Variants in BRCA2 observed in about 807,000 individuals in gnomAD.
The protein encoded by BRCA2 is breast cancer type 2 susceptibility protein.
Under a neutral mutation model 276.7 loss-of-function variants are expected in BRCA2, and 203 were observed. The ratio of observed to expected loss-of-function variants is 0.73; its 90% CI spans 0.65 to 0.82. BRCA2 has a LOEUF of 0.82. BRCA2 is among the 40% of genes least tolerant of loss of function. The pLI is 0.00. For missense variants in BRCA2, 3,920 were observed against 3,915.0 expected, an observed-to-expected ratio of 1.00 and a Z score of -0.03; for synonymous variants, 1,289 against 1,338.4, an observed-to-expected ratio of 0.96 and a Z score of 0.81.
chr13:32,377,838 A>C (rs921050973), intron 21 of BRCA2, among the ~76,000 whole-genome samples: 4 of 152,212 alleles, frequency 2.6e-5, no homozygotes, highest in African/African-American at 7.2e-5. Flanking sequence ...GATTAATTTC[A>C]TTCACTTGAT....
chr13:32,397,390 C>A (rs969304177), intron 26 of BRCA2, among the ~76,000 whole-genome samples: 1 of 152,152 alleles, frequency 6.6e-6, no homozygotes, highest in Admixed American at 6.6e-5. Context: ...GCAAATCAAG[C>A]TAAAGTCTTT....
intron 24 of BRCA2, among the ~76,000 whole-genome samples, chr13:32,387,468 A>G (rs549221555): frequency 6.6e-6 from 1 of 152,190 alleles, no homozygotes; most frequent in South Asian, 2.1e-4. Flanking sequence ...TCCTTGGTCA[A>G]GCGGTAACGG....
chr13:32,332,820 C>T lies in BRCA2; in HGVS notation c.1342C>T (p.Arg448Cys), dbSNP rs80358422. Residue 448 changes from arginine (R) to cysteine (C), a missense_variant, in exon 10 of 27, where the codon CGT (arginine) becomes TGT (cysteine). Around this residue, in one of 2 missense-constraint regions of BRCA2, gnomAD observed 3,263 missense variants for 3,156.9 expected, o/e 1.03. Coordinates refer to ENST00000380152, the MANE Select transcript of BRCA2 (RefSeq NM_000059.4). ...TCTTACTTCAGAGAATTCTTTGCCA[C>T]GTATTTCTAGCCTACCAAAATCAGA... Reference protein sequence around the residue: ...DFLTSENSLPRISSLPKSEKP... With the variant: ...DFLTSENSLPCISSLPKSEKP... 18 of 1,611,258 alleles carry T rather than the reference C, an allele frequency of 1.1e-5. No individual in the cohort carries two copies. The highest frequency in any genetic ancestry group is 2.2e-5 in the South Asian group (2 of 90,196).
At chr13:32,365,653 C>T (rs187920190) in intron 18 of BRCA2, among the ~76,000 whole-genome samples, 3 of 150,326 alleles carry the variant, frequency 2.0e-5, no homozygotes, top group African/African-American at 4.9e-5. Context: ...GTTGGGATTA[C>T]GGGCATGAGC....
chr13:32,326,049 T>G (rs2072342564), intron 4 of BRCA2, 52 bp from the exon 5 acceptor site: 3 of 1,497,660 alleles, frequency 2.0e-6, no homozygotes, highest in Non-Finnish European at 2.8e-6. Flanking sequence ...GATAAACTAG[T>G]TTTTGCCAGT....
chr13:32,357,989 C>G (rs2137568195), intron 16 of BRCA2, 60 bp downstream of exon 16: 1 of 1,558,674 alleles, frequency 6.4e-7, no homozygotes, highest in Non-Finnish European at 8.8e-7. Context: ...CCTCTTTCTT[C>G]TCTTAACTGT....
At position 32,329,487 on chromosome 13, in the gene BRCA2, A is replaced by G. The variant is rs80358902; in HGVS notation, c.676A>G (p.Thr226Ala). The G allele has an allele frequency of 1.9e-6, 3 of 1,596,454 alleles. No homozygotes were observed. The highest frequency in any genetic ancestry group is 2.6e-6 in the Non-Finnish European group (3 of 1,165,974). The change falls in exon 8 of 27, where the codon ACT (threonine) becomes GCT (alanine). Residue 226 changes from threonine to alanine, a missense_variant. Thr to Ala is a moderately conservative substitution (Grantham distance 58). This residue lies in a region of BRCA2 where 3,263 missense variants were observed against 3,156.9 expected (regional missense o/e 1.03). Transcript: ENST00000380152. ...TGAAACTGTATTTCCTCATGATACT[A>G]CTGCTGTAAGTAAATATGACATTGA... ...ASETVFPHDT[T>A]ANVKSYFSNH...
Position 32,357,836 on chromosome 13 carries a change from A to G in BRCA2, c.7712A>G (p.Glu2571Gly), listed in dbSNP as rs55689095. The change falls in exon 16 of 27, where the codon GAA becomes GGA. Residue 2571 changes from glutamate to glycine, a missense_variant. Glu to Gly is a moderately conservative substitution (Grantham distance 98). This residue lies in a region of BRCA2 where 3,263 missense variants were observed against 3,156.9 expected (regional missense o/e 1.03). Transcript: ENST00000380152. ...CACACTGAAGATTATTTTGGTAAGG[A>G]AAGTTTATGGACTGGAAAAGGAATA... ...QFHTEDYFGK[E>G]SLWTGKGIQL... 3.2e-5 allele frequency: 52 copies of G among 1,614,048 alleles called. No homozygotes were observed. In the African/African-American group the frequency reaches 5.5e-4, roughly 17 times the overall value.
chr13:32,397,739 T>A (rs1466766423), intron 26 of BRCA2, among the ~76,000 whole-genome samples: 1 of 152,162 alleles, frequency 6.6e-6, no homozygotes, highest in Non-Finnish European at 1.5e-5. Flanking sequence ...GAGGAGACTG[T>A]GGCATAGAGA....
At position 32,372,885 on chromosome 13, in the gene BRCA2, G is replaced by T. The variant is rs539481969; in HGVS notation, c.8632+1785G>T. Among the ~76,000 whole-genome samples, 12 of 152,280 alleles carry T rather than the reference G, an allele frequency of 7.9e-5. No individual in the cohort carries two copies. The South Asian group carries it at 2.1e-3, about 26-fold the overall frequency. ...AAATTCTTTACTTCCAAGATACAATGGGGGTACAGGCATTGGGTAAATGTT... is the reference window on the plus strand; with the variant it reads ...AAATTCTTTACTTCCAAGATACAATTGGGGTACAGGCATTGGGTAAATGTT... On this transcript the variant is annotated intron_variant, in intron 20 of 26. Coordinates refer to ENST00000380152, the MANE Select transcript of BRCA2 (RefSeq NM_000059.4).
chr13:32,389,952 G>A (rs1433685367), intron 24 of BRCA2, among the ~76,000 whole-genome samples: 1 of 152,190 alleles, frequency 6.6e-6, no homozygotes, highest in African/African-American at 2.4e-5. Context: ...GTTGGGGAAG[G>A]AGATTAGACT....
At chr13:32,393,665 T>C (rs1324177398) in intron 24 of BRCA2, among the ~76,000 whole-genome samples, 1 of 152,152 alleles carries the variant, frequency 6.6e-6, no homozygotes, top group Non-Finnish European at 1.5e-5. Context: ...GAAAATGGTG[T>C]TTAGATCCAA....
intron 4 of BRCA2, among the ~76,000 whole-genome samples, chr13:32,325,786 C>T (rs1439330356): frequency 6.6e-6 from 1 of 151,892 alleles, no homozygotes; most frequent in Admixed American, 6.6e-5. Flanking sequence ...GTGATCCGCC[C>T]GCCTCAGCCT....
chr13:32,378,341 T>C (rs1347241562), intron 21 of BRCA2, among the ~76,000 whole-genome samples: 1 of 152,230 alleles, frequency 6.6e-6, no homozygotes, highest in Admixed American at 6.5e-5. Flanking sequence ...TAAGTGCCTA[T>C]GAGTCTATGA....
intron 13 of BRCA2, among the ~76,000 whole-genome samples, chr13:32,351,187 C>A (rs552064588): frequency 6.6e-6 from 1 of 152,244 alleles, no homozygotes; most frequent in African/African-American, 2.4e-5. Flanking sequence ...CTGCTGCTCA[C>A]TCTTTAGTGA....
At chr13:32,372,385 G>T (rs1252392675) in intron 20 of BRCA2, among the ~76,000 whole-genome samples, 1 of 152,192 alleles carries the variant, frequency 6.6e-6, no homozygotes, top group South Asian at 2.1e-4. Context: ...CTAAAGGAAA[G>T]AAGCTTAATT....
At chr13:32,373,473 T>A (rs965466313) in intron 20 of BRCA2, among the ~76,000 whole-genome samples, 1 of 151,612 alleles carries the variant, frequency 6.6e-6, no homozygotes, top group Non-Finnish European at 1.5e-5. Flanking sequence ...ACCACTGCAC[T>A]CTAGCCTGGG....
chr13:32,394,804 C>T lies in BRCA2; in HGVS notation c.9372C>T (p.Asn3124=), dbSNP rs1420566833. The change falls in exon 25 of 27, where the codon AAC becomes AAT. Residue 3124 remains asparagine (N), a synonymous_variant. Transcript: ENST00000380152. ...IKPHMLIAAS[N]LQWRPESKSG... is the part of the protein sequence containing the mutation. ...CTCATATGTTAATTGCTGCAAGCAA[C>T]CTCCAGTGGCGACCAGAATCCAAAT... The T allele has an allele frequency of 1.9e-6, 3 of 1,613,964 alleles. No individual in the cohort carries two copies. The highest frequency in any genetic ancestry group is 2.5e-6 in the Non-Finnish European group (3 of 1,180,004).
At position 32,357,890 on chromosome 13, in the gene BRCA2, C is replaced by A. The variant is rs80359005; in HGVS notation, c.7766C>A (p.Pro2589His). ...TTGGCTGATGGTGGATGGCTCATAC[C>A]CTCCAATGATGGAAAGGCTGGAAAA... ...IQLADGGWLI[P>H]SNDGKAGKEE... Residue 2589 changes from proline to histidine, a missense_variant, in exon 16 of 27, where the codon CCC becomes CAC. By Grantham distance (77) the Pro-to-His change is moderately conservative (BLOSUM62 -2). This residue lies in a region of BRCA2 where 3,263 missense variants were observed against 3,156.9 expected (regional missense o/e 1.03). Coordinates refer to ENST00000380152, the MANE Select transcript of BRCA2 (RefSeq NM_000059.4). The A allele has an allele frequency of 1.9e-6, 3 of 1,614,032 alleles. No homozygotes were observed. The highest frequency in any genetic ancestry group is 1.3e-5 in the African/African-American group (1 of 74,998).
Sources: allele counts gnomAD v4.1 joint callset (sites outside exome capture counted in the v4.1 genomes callset), GRCh38; gene constraint gnomAD v4.1.1; regional missense constraint gnomAD v4.1.1; transcripts MANE v1.5; gene names NCBI Gene and HGNC (gene_info 2026-07-23, HGNC 2026-07-21).